Variants in ZC3H8 observed in about 807,000 individuals in gnomAD.
ZC3H8 encodes the protein zinc finger CCCH-type containing 8, also known as zinc finger CCCH domain-containing protein 8.
In ZC3H8, 27 loss-of-function variants were observed where a neutral mutation model predicts 42.5. The observed-to-expected ratio is 0.64, with a 90% CI of 0.47 to 0.88. The LOEUF is 0.88. ZC3H8 is among the 40% of genes least tolerant of loss of function. The pLI, the probability that ZC3H8 is intolerant of heterozygous loss-of-function variation, is 0.00. For synonymous variants in ZC3H8, 101 were observed against 110.1 expected (o/e 0.92, Z 0.52); for missense variants, 277 against 336.1 (o/e 0.82, Z 1.37).
rs1284180666 is a variant in ZC3H8 at position 112,212,427 on chromosome 2, G to A, written c.*4057C>T. 1 of 152,230 alleles carries A rather than the reference G, an allele frequency of 6.6e-6. No homozygotes were observed. The highest frequency in any genetic ancestry group is 1.5e-5 in the Non-Finnish European group (1 of 68,042). The allele number at this position is 152,230 out of a possible 1,614,324, so 9.4% of individuals were successfully genotyped here. A position where few individuals can be genotyped will look rare whatever the true frequency, so the allele number is the denominator to read the frequency against. On this transcript the variant is annotated 3_prime_UTR_variant, in exon 9 of 9. Transcript: ENST00000409573. ...TACAATGAATGTAGTTTTTGGTGAA[G>A]AGGATGGCGAGGGGGAGAAACATGG...
At chr2:112,228,182 C>G (rs1448475098) in intron 8 of ZC3H8, among the ~76,000 whole-genome samples, 1 of 152,058 alleles carries the variant, frequency 6.6e-6, no homozygotes, top group African/African-American at 2.4e-5. Context: ...GAAGGCAAGT[C>G]AGGGGGAAGG....
rs143100760 is a variant in ZC3H8, at chr2:112,215,608, A to G, written c.*876T>C. 1 of 152,338 alleles carries G rather than the reference A, an allele frequency of 6.6e-6. No individual in the cohort carries two copies. The highest frequency in any genetic ancestry group is 3.4e-3 in the Middle Eastern group (1 of 294). 9.4% of individuals were successfully genotyped at this position (152,338 alleles called of 1,614,324 possible). On this transcript the variant is annotated 3_prime_UTR_variant, in exon 9 of 9. Transcript: ENST00000409573. ...TTACTTTTCCCAACAATAAAACAAT[A>G]TAATGACGAGTTTCCATTTCATGGT...
intron 8 of ZC3H8, among the ~76,000 whole-genome samples, chr2:112,229,940 C>T (rs940337125): frequency 2.7e-5 from 4 of 147,434 alleles, no homozygotes; most frequent in South Asian, 2.1e-4. Context: ...ACTGAGATGC[C>T]GCAAAAAAAA....
intron 2 of ZC3H8, among the ~76,000 whole-genome samples, chr2:112,241,543 T>G (rs187377621): frequency 2.6e-5 from 4 of 152,238 alleles, no homozygotes; most frequent in Admixed American, 2.6e-4. Flanking sequence ...ATTATTTTCA[T>G]CAACCTCCAA....
At chr2:112,239,568 T>G (rs964682822) in intron 2 of ZC3H8, among the ~76,000 whole-genome samples, 6 of 149,060 alleles carry the variant, frequency 4.0e-5, no homozygotes, top group Non-Finnish European at 1.5e-5. Flanking sequence ...GTGGCCCAAT[T>G]TAACAGTTTA....
chr2:112,246,070 C>A (rs1685750459), intron 2 of ZC3H8, among the ~76,000 whole-genome samples: 1 of 152,176 alleles, frequency 6.6e-6, no homozygotes, highest in East Asian at 1.9e-4. Context: ...TCTGCCTGTG[C>A]TCTATATATG....
chr2:112,250,230 T>A lies in ZC3H8; in HGVS notation c.117A>T (p.Glu39Asp). ...GCTCGCACTCCAGTTTAATTTTCTC[T>A]TCTTGTGTTTCTTCAACTTCTGTAT... is the stretch of plus-strand genomic sequence containing the variant. ...EIDTEVEETQEEKIKLECEQI... is the reference protein window; with the variant it reads ...EIDTEVEETQDEKIKLECEQI... The change falls in exon 2 of 9, where the codon GAA becomes GAT. Residue 39 changes from glutamate to aspartate, a missense_variant. Physicochemically the swap from Glu to Asp is conservative, Grantham distance 45. Transcript: ENST00000409573. The A allele has an allele frequency of 6.4e-7, 1 of 1,566,502 alleles. No individual in the cohort carries two copies. The highest frequency in any genetic ancestry group is 2.3e-5 in the East Asian group (1 of 43,568).
intron 8 of ZC3H8, among the ~76,000 whole-genome samples, chr2:112,224,348 AAAACAAAG>A (rs1684724790): frequency 6.6e-6 from 1 of 152,226 alleles, no homozygotes; most frequent in African/African-American, 2.4e-5. Flanking sequence ...TCCTGATTAT[AAAACAAAG>A]AAACAAAAAG....
intron 4 of ZC3H8, 67 bp from the exon 5 acceptor site, chr2:112,234,303 C>T (rs1386047615): frequency 3.9e-6 from 5 of 1,278,752 alleles, no homozygotes; most frequent in Non-Finnish European, 4.3e-6. Flanking sequence ...TTCTGTTGCA[C>T]AAAATTATTT....
intron 2 of ZC3H8, among the ~76,000 whole-genome samples, chr2:112,239,016 C>T (rs1395428175): frequency 1.6e-4 from 24 of 152,214 alleles, no homozygotes; most frequent in Non-Finnish European, 1.5e-5. Flanking sequence ...TCTAAGCTAC[C>T]AAAGTCTAGT....
chr2:112,246,874 T>C (rs1006913030), intron 2 of ZC3H8, among the ~76,000 whole-genome samples: 1 of 152,192 alleles, frequency 6.6e-6, no homozygotes, highest in African/African-American at 2.4e-5. Flanking sequence ...AGAGAAATAT[T>C]TTGTAAAAGG....
chr2:112,233,946 G>A (rs1030317138), intron 5 of ZC3H8, among the ~76,000 whole-genome samples, 174 bp downstream of exon 5: 3 of 152,148 alleles, frequency 2.0e-5, no homozygotes, highest in African/African-American at 7.2e-5. Context: ...AAACTGCTGG[G>A]ATTACAGGCC....
chr2:112,244,842 T>C (rs1685703592), intron 2 of ZC3H8, among the ~76,000 whole-genome samples: 1 of 152,280 alleles, frequency 6.6e-6, no homozygotes, highest in East Asian at 1.9e-4. Context: ...CTCCTGTCTC[T>C]CTCCCTCCCT....
intron 1 of ZC3H8, 48 bp downstream of exon 1, chr2:112,254,860 A>G (rs370067344): frequency 8.4e-5 from 134 of 1,588,502 alleles, no homozygotes; most frequent in Non-Finnish European, 1.1e-4. Context: ...TAAGAGGCGG[A>G]GTCCCGCTGA....
At chr2:112,226,684 G>C (rs923127562) in intron 8 of ZC3H8, among the ~76,000 whole-genome samples, 76 of 151,456 alleles carry the variant, frequency 5.0e-4, no homozygotes, top group African/African-American at 1.8e-3. Context: ...GAAAATAGGG[G>C]AAGCTGGAAC....
At chr2:112,254,346 T>C (rs1686053422) in intron 1 of ZC3H8, among the ~76,000 whole-genome samples, 1 of 152,266 alleles carries the variant, frequency 6.6e-6, no homozygotes, top group Non-Finnish European at 1.5e-5. Context: ...AATGGAAATA[T>C]TAAGTCCAAA....
At chr2:112,221,113 T>C (rs1684564875) in intron 8 of ZC3H8, among the ~76,000 whole-genome samples, 1 of 152,226 alleles carries the variant, frequency 6.6e-6, no homozygotes, top group Non-Finnish European at 1.5e-5. Flanking sequence ...ATTTGGTCTC[T>C]TTACATAATT....
intron 8 of ZC3H8, among the ~76,000 whole-genome samples, chr2:112,221,729 T>A (rs1684594957): frequency 6.6e-6 from 1 of 152,110 alleles, no homozygotes; most frequent in Non-Finnish European, 1.5e-5. Flanking sequence ...TCTGGTTCTT[T>A]CTTATAATGG....
chr2:112,212,066 C>T lies in ZC3H8; in HGVS notation c.*4418G>A, dbSNP rs1684156370. 2 of 152,238 alleles carry T rather than the reference C, an allele frequency of 1.3e-5. No homozygotes were observed. The highest frequency in any genetic ancestry group is 4.8e-5 in the African/African-American group (2 of 41,452). The allele number at this position is 152,238 out of a possible 1,614,324, so 9.4% of individuals were successfully genotyped here. On this transcript the variant is annotated 3_prime_UTR_variant, in exon 9 of 9. Coordinates refer to ENST00000409573, the MANE Select transcript of ZC3H8 (RefSeq NM_032494.3). ...GGTGGCTTAAACAACACTTACTCCT[C>T]ACAGTTCTGGAGATGGGGGGAGGTC...
Sources: gnomAD v4.1 joint callset for allele counts (sites outside exome capture counted in the v4.1 genomes callset) on GRCh38, gnomAD v4.1.1 for gene constraint, MANE v1.5 for transcripts, NCBI Gene and HGNC (gene_info 2026-07-23, HGNC 2026-07-21) for gene names.